KIF20B: variants seen among roughly 807,000 people sequenced by gnomAD.
KIF20B encodes the protein kinesin family member 20B.
Under a neutral mutation model 232.5 loss-of-function variants are expected in KIF20B, and 188 were observed. The ratio of observed to expected loss-of-function variants is 0.81; its 90% confidence interval spans 0.72 to 0.91. The LOEUF is 0.91. Among genes scored for constraint, KIF20B ranks in the 40% least tolerant of loss-of-function variants. The probability of loss-of-function intolerance (pLI) is 0.00; values close to 1 mark genes in which losing one functional copy is unlikely to be tolerated. For missense variants in KIF20B, 2,154 were observed against 2,055.9 expected (o/e 1.05, Z -0.92); for synonymous variants, 712 against 683.0 (o/e 1.04, Z -0.66).
At chr10:89,749,449 A>G (rs1173090391) in intron 23 of KIF20B, among the ~76,000 whole-genome samples, 1 of 152,166 alleles carries the variant, frequency 6.6e-6, no homozygotes, top group African/African-American at 2.4e-5. Flanking sequence ...TCTATTCACA[A>G]AATTGTACAA....
intron 1 of KIF20B, 71 bp from the exon 2 acceptor site, chr10:89,705,223 C>A: frequency 7.3e-7 from 1 of 1,371,680 alleles, no homozygotes; most frequent in Non-Finnish European, 1.0e-6. Context: ...GTGGGCTAGA[C>A]TTTTGAAAGT....
Position 89,717,456 on chromosome 10 carries a change from T to C in KIF20B, c.1085T>C (p.Ile362Thr). Reference protein sequence around the residue: ...HSIFTVKILQIEDSEMSRVIR... With the variant: ...HSIFTVKILQTEDSEMSRVIR... ...ATATTCACTGTTAAAATATTACAGA[T>C]TGAAGATTCTGAAATGTCTCGTGTA... Residue 362 changes from isoleucine to threonine, a missense_variant, in exon 10 of 33, where the codon ATT becomes ACT. Physicochemically the swap from Ile to Thr is moderately conservative, Grantham distance 89 (BLOSUM62 -1). Transcript: ENST00000371728. 6 of 1,594,884 alleles carry C rather than the reference T, an allele frequency of 3.8e-6. No homozygotes were observed. Among genetic ancestry groups the C allele is most frequent in the Non-Finnish European group, 4.3e-6 (5 of 1,165,296 alleles).
chr10:89,758,962 TGTAA>T, intron 27 of KIF20B, 80 bp downstream of exon 27: 1 of 924,032 alleles, frequency 1.1e-6, no homozygotes, highest in Non-Finnish European at 1.5e-6. Flanking sequence ...AATAAAAAAG[TGTAA>T]GTCTCAATAG....
intron 23 of KIF20B, among the ~76,000 whole-genome samples, chr10:89,746,910 TAAAA>T (rs1841922764): frequency 6.6e-6 from 1 of 152,188 alleles, no homozygotes; most frequent in Non-Finnish European, 1.5e-5. Flanking sequence ...CTTAGAAAAA[TAAAA>T]TAAGTAGTCA....
At position 89,711,109 on chromosome 10, in the gene KIF20B, T is replaced by G; in HGVS notation, c.639T>G (p.Ile213Met). The change falls in exon 6 of 33, where the codon ATT becomes ATG. Residue 213 changes from isoleucine to methionine, a missense_variant. Physicochemically the swap from Ile to Met is conservative, Grantham distance 10 (BLOSUM62 1). Transcript: ENST00000371728. ...CATCAGAACAAGAGAAAGAAGAAAT[T>G]GCTAGCAAAAGTGCATTGCTTCGGC... ...RLSSEQEKEE[I>M]ASKSALLRQI... 6.4e-7 allele frequency: 1 copy of G among 1,563,184 alleles called. No homozygotes were observed. The highest frequency in any genetic ancestry group is 2.3e-5 in the East Asian group (1 of 43,794).
chr10:89,746,027 G>T, intron 23 of KIF20B, 68 bp downstream of exon 23: 1 of 1,136,656 alleles, frequency 8.8e-7, no homozygotes, highest in Non-Finnish European at 1.3e-6. Context: ...GCATGCGATG[G>T]GGGTATGACT....
chr10:89,725,820 G>A (rs538319962), intron 15 of KIF20B, among the ~76,000 whole-genome samples: 4 of 152,188 alleles, frequency 2.6e-5, no homozygotes, highest in Admixed American at 1.3e-4. Flanking sequence ...TTTTGGGGGA[G>A]TTGGTTTTTT....
At chr10:89,726,175 A>T in intron 15 of KIF20B, 118 bp from the exon 16 acceptor site, 2 of 1,284,906 alleles carry the variant, frequency 1.6e-6, no homozygotes, top group Non-Finnish European at 2.0e-6. Flanking sequence ...AATTTATTTT[A>T]AAGAATTTCA....
intron 13 of KIF20B, among the ~76,000 whole-genome samples, chr10:89,722,800 A>G (rs1247228395): frequency 6.6e-6 from 1 of 152,148 alleles, no homozygotes; most frequent in African/African-American, 2.4e-5. Flanking sequence ...AAATAGTATT[A>G]TGTATTTATA....
At position 89,723,979 on chromosome 10, in the gene KIF20B, A is replaced by G. The variant is rs371134968; in HGVS notation, c.1738A>G (p.Ile580Val). The part of the protein sequence containing the change: ...HEEKRKLLDL[I>V]EDLKKKLINE... Reference sequence around the variant, plus strand: ...CATGTAATAGAAACTGTTGGACTTAATAGAAGACTTGAAAAAAAAACTGAT... The same window carrying G: ...CATGTAATAGAAACTGTTGGACTTAGTAGAAGACTTGAAAAAAAAACTGAT... Residue 580 changes from isoleucine to valine, a missense_variant, in exon 14 of 33, where the codon ATA (isoleucine) becomes GTA (valine). Ile to Val is a conservative substitution (Grantham distance 29). Coordinates refer to ENST00000371728, the MANE Select transcript of KIF20B (RefSeq NM_001284259.2). The G allele has an allele frequency of 2.8e-5, 44 of 1,563,606 alleles. No individual in the cohort carries two copies. Among genetic ancestry groups the G allele is most frequent in the Non-Finnish European group, 3.5e-5 (41 of 1,158,130 alleles).
rs777783770 is a variant in KIF20B at position 89,726,384 on chromosome 10, T to C, written c.2093T>C (p.Leu698Ser). 3 of 1,572,556 alleles carry C rather than the reference T, an allele frequency of 1.9e-6. No homozygotes were observed. The Admixed American group carries it at 5.4e-5, about 28-fold the overall frequency. ...DIKKQAEIAHLYIASLPDPQE... is the reference protein window; with the variant it reads ...DIKKQAEIAHSYIASLPDPQE... ...AAGAAACAGGCTGAAATTGCTCACTTATATATTGCATCTCTTCCTGACCCC... is the reference window on the plus strand; with the variant it reads ...AAGAAACAGGCTGAAATTGCTCACTCATATATTGCATCTCTTCCTGACCCC... The change falls in exon 16 of 33, where the codon TTA (leucine) becomes TCA (serine). Residue 698 changes from leucine (L) to serine (S), a missense_variant. Physicochemically the swap from Leu to Ser is moderately radical, Grantham distance 145. Transcript: ENST00000371728.
chr10:89,707,258 T>C (rs1023642501), intron 2 of KIF20B, among the ~76,000 whole-genome samples: 1 of 152,202 alleles, frequency 6.6e-6, no homozygotes, highest in Non-Finnish European at 1.5e-5. Context: ...CTTATGTAAC[T>C]GTCACTACAG....
intron 6 of KIF20B, 76 bp from the exon 7 acceptor site, chr10:89,713,971 A>G (rs1842885770): frequency 5.0e-6 from 3 of 603,438 alleles, no homozygotes; most frequent in South Asian, 2.6e-5. Context: ...ACTTATTTGG[A>G]TAGGTAATTA....
At chr10:89,755,529 C>T (rs1243970627) in intron 26 of KIF20B, among the ~76,000 whole-genome samples, 1 of 147,310 alleles carries the variant, frequency 6.8e-6, no homozygotes, top group Non-Finnish European at 1.5e-5. Flanking sequence ...CTCCTTCTTC[C>T]TTTCCTTCCT....
chr10:89,768,306 A>G lies in KIF20B; in HGVS notation c.5006A>G (p.Glu1669Gly). 1 of 1,564,540 alleles carries G rather than the reference A, an allele frequency of 6.4e-7. No homozygotes were observed. The highest frequency in any genetic ancestry group is 8.7e-7 in the Non-Finnish European group (1 of 1,148,890). ...TATTTTTAGGACTTGGTGAAATGTG[A>G]AAATAAGAAGAATGCTACACCCAGA... The part of the protein sequence containing the change: ...NEMEEDLVKC[E>G]NKKNATPRTN... The change falls in exon 30 of 33, where the codon GAA becomes GGA. Residue 1669 changes from glutamate to glycine, a missense_variant. Glu to Gly is a moderately conservative substitution (Grantham distance 98). Transcript: ENST00000371728.
At chr10:89,748,779 A>G (rs1212803371) in intron 23 of KIF20B, among the ~76,000 whole-genome samples, 1 of 152,082 alleles carries the variant, frequency 6.6e-6, no homozygotes, top group African/African-American at 2.4e-5. Context: ...GTTGCCCTAT[A>G]GTTTTTATCA....
intron 18 of KIF20B, among the ~76,000 whole-genome samples, chr10:89,731,436 A>T (rs928540997): frequency 6.6e-6 from 1 of 152,218 alleles, no homozygotes; most frequent in African/African-American, 2.4e-5. Flanking sequence ...TTAAATACAT[A>T]CAAATATACA....
chr10:89,710,717 A>G (rs780739232), intron 5 of KIF20B, among the ~76,000 whole-genome samples: 1 of 152,208 alleles, frequency 6.6e-6, no homozygotes, highest in African/African-American at 2.4e-5. Context: ...GGTGGTTACA[A>G]ATCTTAATAT....
At chr10:89,773,919 A>C in intron 32 of KIF20B, 52 bp from the exon 33 acceptor site, 1 of 1,114,512 alleles carries the variant, frequency 9.0e-7, no homozygotes, top group Non-Finnish European at 1.3e-6. Flanking sequence ...ACAAGCTTTT[A>C]TTTTTATTTT....
Sources: gnomAD v4.1 joint callset for allele counts (sites outside exome capture counted in the v4.1 genomes callset) on GRCh38, gnomAD v4.1.1 for gene constraint, MANE v1.5 for transcripts, NCBI Gene and HGNC (gene_info 2026-07-23, HGNC 2026-07-21) for gene names.